CYP26A1: variants seen among roughly 807,000 people sequenced by gnomAD.
The protein encoded by CYP26A1 is cytochrome P450 26A1.
A neutral mutation model predicts 47.4 loss-of-function variants in CYP26A1; 46 were observed. The observed-to-expected ratio is 0.97, with a 90% CI of 0.77 to 1.24. The LOEUF is 1.24. Ranked by LOEUF, CYP26A1 falls within the 50% of genes most tolerant of loss-of-function variation. CYP26A1 has a pLI of 0.00. For missense variants in CYP26A1, 680 were observed against 644.4 expected (o/e 1.06, Z -0.60); for synonymous variants, 277 against 263.7 (o/e 1.05, Z -0.49).
upstream of CYP26A1, chr10:93,073,535 G>C (rs1024732347): frequency 6.7e-5 from 14 of 208,592 alleles, no homozygotes; most frequent in African/African-American, 3.0e-4. Flanking sequence ...GGGTGGGACC[G>C]GGCGGGAGGG....
In CYP26A1 at chr10:93,077,353, T is replaced by C; in HGVS notation, c.*49T>C. ...GACTTATTGGAAGTGTACATATGAG[T>C]TTTTAAGGAGTGTTGTGTTGACTTT... On this transcript the variant is annotated 3_prime_UTR_variant, in exon 7 of 7. Transcript: ENST00000224356. 1 of 1,062,382 alleles carries C rather than the reference T, an allele frequency of 9.4e-7. No individual in the cohort carries two copies. The highest frequency in any genetic ancestry group is 2.1e-4 in the Middle Eastern group (1 of 4,764). 65.8% of individuals were successfully genotyped at this position (1,062,382 alleles called of 1,614,324 possible).
At position 93,076,983 on chromosome 10, in the gene CYP26A1, C is replaced by T; in HGVS notation, c.1173C>T (p.Gly391=). 6.3e-7 allele frequency: 1 copy of T among 1,599,790 alleles called. No homozygotes were observed. The highest frequency in any genetic ancestry group is 1.1e-5 in the South Asian group (1 of 89,262). Residue 391 remains glycine, a synonymous_variant, in exon 7 of 7, where the codon GGC becomes GGT. Transcript: ENST00000224356. ...FELNGYQIPK[G]WNVIYSICDT... ...TGCAGGGATACCAGATTCCCAAGGG[C>T]TGGAATGTTATCTACAGTATCTGTG...
At position 93,074,418 on chromosome 10, in the gene CYP26A1, CT is replaced by C; in HGVS notation, c.302del (p.Leu101CysfsTer39). 1 of 1,612,046 alleles carries C rather than the reference CT, an allele frequency of 6.2e-7. No homozygotes were observed. The highest frequency in any genetic ancestry group is 8.5e-7 in the Non-Finnish European group (1 of 1,178,684). On this transcript the variant is annotated frameshift_variant, in exon 2 of 7. Transcript: ENST00000224356. LOFTEE classifies it high-confidence loss of function. The surrounding 1 kb of genome is among the most constrained non-coding windows in gnomAD (Gnocchi z 5.3). Reference protein sequence around the residue: ...VMGADNVRRILLGEHRLVSVH... With the variant: ...VMGADNVRRIXLGEHRLVSVH... ...TGGGCGCGGACAATGTGCGGCGCAT[CT>C]TGCTCGGAGAGCACCGGCTGGTGTC...
At chr10:93,073,776 G>A (rs1040714452), upstream of CYP26A1, 12 of 568,050 alleles carry the variant, frequency 2.1e-5, no homozygotes, top group Admixed American at 3.8e-4. Context: ...GGGGGGAGGA[G>A]CCAGGGGCCC....
Position 93,074,854 on chromosome 10 carries a change from C to T in CYP26A1, c.490C>T (p.Leu164=), listed in dbSNP as rs773445720. The T allele has an allele frequency of 1.9e-6, 3 of 1,612,324 alleles. No homozygotes were observed. The highest frequency in any genetic ancestry group is 2.2e-5 in the South Asian group (2 of 91,076). The change falls in exon 3 of 7, where the codon CTG becomes TTG. Residue 164 remains leucine, a synonymous_variant. Coordinates refer to ENST00000224356, the MANE Select transcript of CYP26A1 (RefSeq NM_000783.4). The surrounding 1 kb of genome is among the most constrained non-coding windows in gnomAD (Gnocchi z 5.3). ...GATCACCGAGGAAGTGGGCAGCAGC[C>T]TGGAGCAGTGGCTGAGCTGCGGCGA... ...PVITEEVGSS[L]EQWLSCGERG...
chr10:93,075,371 C>G, intron 4 of CYP26A1, 64 bp downstream of exon 4: 1 of 1,521,052 alleles, frequency 6.6e-7, no homozygotes, highest in South Asian at 1.2e-5. Context: ...AGCGCTGTTC[C>G]TGGGGCCCCC....
In CYP26A1 at chr10:93,074,084, C is replaced by T. The variant is rs999652760; in HGVS notation, c.150C>T (p.Gly50=). 3 of 1,567,460 alleles carry T rather than the reference C, an allele frequency of 1.9e-6. No homozygotes were observed. Among genetic ancestry groups the T allele is most frequent in the African/African-American group, 2.7e-5 (2 of 73,012 alleles). Residue 50 remains glycine (G), a synonymous_variant, in exon 1 of 7, where the codon GGC becomes GGT. Coordinates refer to ENST00000224356, the MANE Select transcript of CYP26A1 (RefSeq NM_000783.4). This position sits in a 1 kb window ranked among gnomAD's most constrained non-coding sequence, Gnocchi z 5.3. Reference sequence around the variant, plus strand: ...TCCCATTGCCCCCCGGGACTATGGGCTTCCCCTTCTTTGGGGAAACCTTGC... The same window carrying T: ...TCCCATTGCCCCCCGGGACTATGGGTTTCCCCTTCTTTGGGGAAACCTTGC... ...CALPLPPGTM[G]FPFFGETLQM...
At chr10:93,075,684 G>A (rs1359795883) in intron 4 of CYP26A1, 142 bp from the exon 5 acceptor site, 1 of 653,596 alleles carries the variant, frequency 1.5e-6, no homozygotes, top group Non-Finnish European at 2.7e-6. Flanking sequence ...TTTGTTTAAA[G>A]ATATTGCTTT....
In CYP26A1 at chr10:93,074,365, C is replaced by G; in HGVS notation, c.247C>G (p.Leu83Val). Residue 83 changes from leucine to valine, a missense_variant, in exon 2 of 7, where the codon CTG (leucine) becomes GTG (valine). Transcript: ENST00000224356. This position sits in a 1 kb window ranked among gnomAD's most constrained non-coding sequence, Gnocchi z 5.3. ...RKYGFIYKTH[L>V]FGRPTVRVMG... Reference sequence around the variant, plus strand: ...ATACGGCTTCATCTACAAGACGCATCTGTTCGGGCGGCCCACCGTACGGGT... The same window carrying G: ...ATACGGCTTCATCTACAAGACGCATGTGTTCGGGCGGCCCACCGTACGGGT... The G allele has an allele frequency of 1.2e-6, 2 of 1,612,288 alleles. No individual in the cohort carries two copies. Among genetic ancestry groups the G allele is most frequent in the Non-Finnish European group, 1.7e-6 (2 of 1,179,030 alleles).
chr10:93,077,224 C>A lies in CYP26A1; in HGVS notation c.1414C>A (p.Pro472Thr). The A allele has an allele frequency of 6.2e-7, 1 of 1,607,228 alleles. No individual in the cohort carries two copies. Among genetic ancestry groups the A allele is most frequent in the South Asian group, 1.1e-5 (1 of 90,642 alleles). ...TGACTGGCAGCTTCTAAATGGACCT[C>A]CTACAATGAAAACCAGTCCCACCGT... ...HCDWQLLNGP[P>T]TMKTSPTVYP... is the part of the protein sequence containing the mutation. Residue 472 changes from proline to threonine, a missense_variant, in exon 7 of 7, where the codon CCT becomes ACT. Pro to Thr is a conservative substitution (Grantham distance 38). Transcript: ENST00000224356.
rs1846951966 is a variant in CYP26A1 at position 93,074,908 on chromosome 10, A to C, written c.544A>C (p.Lys182Gln). 1 of 1,613,200 alleles carries C rather than the reference A, an allele frequency of 6.2e-7. No individual in the cohort carries two copies. The highest frequency in any genetic ancestry group is 1.1e-5 in the South Asian group (1 of 91,086). Residue 182 changes from lysine to glutamine, a missense_variant, in exon 3 of 7, where the codon AAG (lysine) becomes CAG (glutamine). By Grantham distance (53) the Lys-to-Gln change is moderately conservative. Coordinates refer to ENST00000224356, the MANE Select transcript of CYP26A1 (RefSeq NM_000783.4). This position sits in a 1 kb window ranked among gnomAD's most constrained non-coding sequence, Gnocchi z 5.3. ...ERGLLVYPEV[K>Q]RLMFRIAMRI... The stretch of plus-strand genomic sequence containing the variant: ...CGGCCTCCTGGTCTACCCCGAGGTG[A>C]AGCGCCTCATGTTCCGAATCGCCAT...
In CYP26A1 at chr10:93,074,772, G is replaced by A; in HGVS notation, c.415-7G>A. On this transcript the variant is annotated splice_region_variant and splice_polypyrimidine_tract_variant and intron_variant, in intron 2 of 6. Coordinates refer to ENST00000224356, the MANE Select transcript of CYP26A1 (RefSeq NM_000783.4). The surrounding 1 kb of genome is among the most constrained non-coding windows in gnomAD (Gnocchi z 5.3). ...GCTTTTAACGCTGTCCCCTCCTCGGGACTCAGGTGATTATGCGGGCCTTCA... is the reference window on the plus strand; with the variant it reads ...GCTTTTAACGCTGTCCCCTCCTCGGAACTCAGGTGATTATGCGGGCCTTCA... The A allele has an allele frequency of 1.9e-6, 3 of 1,598,800 alleles. No individual in the cohort carries two copies. The highest frequency in any genetic ancestry group is 2.5e-6 in the Non-Finnish European group (3 of 1,177,190).
intron 5 of CYP26A1, 40 bp downstream of exon 5, chr10:93,076,000 G>A (rs1846973801): frequency 1.3e-6 from 2 of 1,551,194 alleles, no homozygotes; most frequent in African/African-American, 2.7e-5. Flanking sequence ...ATTAGCTTAG[G>A]AAATTCAGCT....
Position 93,074,492 on chromosome 10 carries a change from T to G in CYP26A1, c.374T>G (p.Leu125Arg), listed in dbSNP as rs1846942718. The stretch of plus-strand genomic sequence containing the variant: ...CGCACCATTCTGGGATCTGGCTGCC[T>G]CTCTAACCTGCACGACTCCTCGCAC... ...SVRTILGSGC[L>R]SNLHDSSHKQ... Residue 125 changes from leucine to arginine, a missense_variant, in exon 2 of 7, where the codon CTC (leucine) becomes CGC (arginine). Leu to Arg is a moderately radical substitution (Grantham distance 102, BLOSUM62 -2). Transcript: ENST00000224356. This position sits in a 1 kb window ranked among gnomAD's most constrained non-coding sequence, Gnocchi z 5.3. 6.2e-7 allele frequency: 1 copy of G among 1,610,770 alleles called. No homozygotes were observed. Among genetic ancestry groups the G allele is most frequent in the Admixed American group, 1.7e-5 (1 of 59,992 alleles).
Position 93,074,217 on chromosome 10 carries a change from T to C in CYP26A1, c.190-91T>C. 6.5e-7 allele frequency: 1 copy of C among 1,528,370 alleles called. No homozygotes were observed. The highest frequency in any genetic ancestry group is 8.8e-7 in the Non-Finnish European group (1 of 1,130,706). 94.7% of individuals were successfully genotyped at this position (1,528,370 alleles called of 1,614,324 possible). A position where few individuals can be genotyped will look rare whatever the true frequency, so the allele number is the denominator to read the frequency against. On this transcript the variant is annotated intron_variant, in intron 1 of 6. Coordinates refer to ENST00000224356, the MANE Select transcript of CYP26A1 (RefSeq NM_000783.4). The surrounding 1 kb of genome is among the most constrained non-coding windows in gnomAD (Gnocchi z 5.3). ...TCGGGGTAGGCGCCCCCGGGAGGCA[T>C]GCTATTGCGGCTAGGAGCAGGGCTG...
rs1453243712 is a variant in CYP26A1 at position 93,074,457 on chromosome 10, A to C, written c.339A>C (p.Pro113=). 1 of 1,611,656 alleles carries C rather than the reference A, an allele frequency of 6.2e-7. No homozygotes were observed. The highest frequency in any genetic ancestry group is 8.5e-7 in the Non-Finnish European group (1 of 1,178,684). The change falls in exon 2 of 7, where the codon CCA becomes CCC. Residue 113 remains proline, a synonymous_variant. Coordinates refer to ENST00000224356, the MANE Select transcript of CYP26A1 (RefSeq NM_000783.4). This position sits in a 1 kb window ranked among gnomAD's most constrained non-coding sequence, Gnocchi z 5.3. Reference sequence around the variant, plus strand: ...ACCGGCTGGTGTCGGTCCACTGGCCAGCGTCGGTGCGCACCATTCTGGGAT... The same window carrying C: ...ACCGGCTGGTGTCGGTCCACTGGCCCGCGTCGGTGCGCACCATTCTGGGAT... The part of the protein sequence containing the change: ...GEHRLVSVHW[P]ASVRTILGSG...
rs767305072 is a variant in CYP26A1, at chr10:93,077,112, A to G, written c.1302A>G (p.Pro434=). 4 of 1,614,244 alleles carry G rather than the reference A, an allele frequency of 2.5e-6. No individual in the cohort carries two copies. Among genetic ancestry groups the G allele is most frequent in the Non-Finnish European group, 1.7e-6 (2 of 1,180,030 alleles). ...PEDASRFSFI[P]FGGGLRSCVG... ...ATGCATCCAGGTTCAGCTTCATTCC[A>G]TTTGGAGGAGGCCTTAGGAGCTGTG... The change falls in exon 7 of 7, where the codon CCA becomes CCG. Residue 434 remains proline (P), a synonymous_variant. Coordinates refer to ENST00000224356, the MANE Select transcript of CYP26A1 (RefSeq NM_000783.4).
Position 93,074,769 on chromosome 10 carries a change from C to T in CYP26A1, c.415-10C>T, listed in dbSNP as rs745581433. 90 of 1,593,914 alleles carry T rather than the reference C, an allele frequency of 5.6e-5. No individual in the cohort carries two copies. Among genetic ancestry groups the T allele is most frequent in the Middle Eastern group, 1.7e-4 (1 of 6,040 alleles). ...GAGGCTTTTAACGCTGTCCCCTCCTCGGGACTCAGGTGATTATGCGGGCCT... is the reference window on the plus strand; with the variant it reads ...GAGGCTTTTAACGCTGTCCCCTCCTTGGGACTCAGGTGATTATGCGGGCCT... On this transcript the variant is annotated splice_polypyrimidine_tract_variant and intron_variant, in intron 2 of 6. Coordinates refer to ENST00000224356, the MANE Select transcript of CYP26A1 (RefSeq NM_000783.4). The surrounding 1 kb of genome is among the most constrained non-coding windows in gnomAD (Gnocchi z 5.3).
upstream of CYP26A1, chr10:93,073,723 T>G: frequency 1.9e-6 from 1 of 540,280 alleles, no homozygotes; most frequent in Non-Finnish European, 3.2e-6. Context: ...CGCCTCTGCC[T>G]CGGCGCGGAA....
Sources: allele counts gnomAD v4.1 joint callset, GRCh38; gene constraint gnomAD v4.1.1; non-coding constraint Gnocchi (gnomAD v3.1); transcripts MANE v1.5; gene names NCBI Gene and HGNC (gene_info 2026-07-23, HGNC 2026-07-21).